The following CNBD1 variants were observed in gnomAD, a reference collection of about 807,000 sequenced individuals.
The protein encoded by CNBD1 is cyclic nucleotide binding domain containing 1.
In CNBD1, 71 loss-of-function variants were observed where a neutral mutation model predicts 54.4. The ratio of observed to expected loss-of-function variants is 1.30; its 90% CI spans 1.08 to 1.59. The LOEUF is 1.59. CNBD1 is among the 40% of genes most tolerant of loss of function. The probability of loss-of-function intolerance (pLI) is 0.00; values close to 1 mark genes in which losing one functional copy is unlikely to be tolerated. For missense variants in CNBD1, 659 were observed against 518.0 expected, an observed-to-expected ratio of 1.27 and a Z score of -2.64; for synonymous variants, 182 against 170.7, an observed-to-expected ratio of 1.07 and a Z score of -0.51.
chr8:87,387,817 C>T (rs1355594925), downstream of CNBD1, among the ~76,000 whole-genome samples: 2 of 152,160 alleles, frequency 1.3e-5, no homozygotes, highest in Admixed American at 6.5e-5. Flanking sequence ...TTTTCAGCAC[C>T]ACACCACACC....
chr8:86,892,369 C>T (rs1430578736), intron 2 of CNBD1, among the ~76,000 whole-genome samples: 1 of 152,024 alleles, frequency 6.6e-6, no homozygotes, highest in South Asian at 2.1e-4. Flanking sequence ...AATTGTCAAG[C>T]ATTCAGAATT....
chr8:87,232,252 T>G (rs1391452753), intron 5 of CNBD1, among the ~76,000 whole-genome samples: 3 of 152,152 alleles, frequency 2.0e-5, no homozygotes, highest in Non-Finnish European at 2.9e-5. Flanking sequence ...TACAAGTCCT[T>G]TTTGGACATC....
chr8:87,042,644 A>G (rs573869778), intron 4 of CNBD1, among the ~76,000 whole-genome samples: 1 of 152,160 alleles, frequency 6.6e-6, no homozygotes, highest in Non-Finnish European at 1.5e-5. Context: ...TAATACTTAA[A>G]AATATTTTAT....
downstream of CNBD1, among the ~76,000 whole-genome samples, chr8:87,387,700 G>T (rs1811219448): frequency 6.6e-6 from 1 of 152,116 alleles, no homozygotes. Context: ...AGATCAATGA[G>T]ACAGAAAGTT....
At chr8:87,185,707 C>T (rs747901686) in intron 4 of CNBD1, among the ~76,000 whole-genome samples, 20 of 152,192 alleles carry the variant, frequency 1.3e-4, no homozygotes, top group South Asian at 8.3e-4. Context: ...CTTCAGTTTC[C>T]GGTCCATGAT....
At chr8:87,106,316 C>A (rs1201792592) in intron 4 of CNBD1, among the ~76,000 whole-genome samples, 1 of 151,972 alleles carries the variant, frequency 6.6e-6, no homozygotes, top group Non-Finnish European at 1.5e-5. Flanking sequence ...TGGGTTCAAG[C>A]AATTCTCATG....
At chr8:87,284,898 T>G in intron 7 of CNBD1, 83 bp downstream of exon 7, 1 of 962,620 alleles carries the variant, frequency 1.0e-6, no homozygotes, top group Non-Finnish European at 1.5e-6. Context: ...CAAAGACAGC[T>G]ATATCTGTTT....
chr8:87,043,427 A>G (rs889582552), intron 4 of CNBD1, among the ~76,000 whole-genome samples: 1 of 152,236 alleles, frequency 6.6e-6, no homozygotes, highest in African/African-American at 2.4e-5. Flanking sequence ...TGCTATGTAT[A>G]TAGAATTCTT....
intron 6 of CNBD1, among the ~76,000 whole-genome samples, chr8:87,262,491 G>T (rs1032153033): frequency 1.3e-5 from 2 of 152,126 alleles, no homozygotes; most frequent in African/African-American, 4.8e-5. Flanking sequence ...CTTCACCAAT[G>T]TGGGCAGCCA....
chr8:86,887,689 T>G (rs571784005), intron 2 of CNBD1, 78 bp downstream of exon 2: 36 of 1,010,632 alleles, frequency 3.6e-5, no homozygotes, highest in Non-Finnish European at 3.4e-5. Context: ...AGTATAGTAA[T>G]AAACCATTGC....
chr8:87,258,174 T>G lies in CNBD1; in HGVS notation c.771+21062T>G, dbSNP rs115223188. ...AGAAAAGACCATTTTGAAGCTTAAA[T>G]TTGATTTTGGGAGGCCTATTAAATA... On this transcript the variant is annotated intron_variant, in intron 6 of 10. Transcript: ENST00000518476. 8.4e-3 allele frequency among the ~76,000 whole-genome samples: 1,286 copies of G among 152,232 alleles called. 19 individuals carry two copies. The highest frequency in any genetic ancestry group is 0.029 in the African/African-American group (1,219 of 41,554).
Position 86,970,577 on chromosome 8 carries a change from C to T in CNBD1, c.431+30823C>T, listed in dbSNP as rs116480600. Among the ~76,000 whole-genome samples the T allele has an allele frequency of 8.9e-3, 1,346 of 150,608 alleles. 18 individuals are homozygous for T. Among genetic ancestry groups the T allele is most frequent in the Middle Eastern group, 0.038 (11 of 292 alleles). On this transcript the variant is annotated intron_variant, in intron 4 of 10. Transcript: ENST00000518476. ...ACCCAGTTTTACTAAGCATAGTAAT[C>T]AATAGGTTTTCAACCCTTCCCCTCT...
chr8:87,064,716 C>G (rs546117652), intron 4 of CNBD1, among the ~76,000 whole-genome samples: 2 of 151,966 alleles, frequency 1.3e-5, no homozygotes, highest in South Asian at 4.1e-4. Context: ...TTTACTTTTA[C>G]TTTTAAAGGA....
chr8:86,924,815 C>T (rs780752155), intron 3 of CNBD1, among the ~76,000 whole-genome samples: 18 of 152,070 alleles, frequency 1.2e-4, no homozygotes, highest in South Asian at 6.2e-4. Context: ...AAATCTGTAT[C>T]GTAATAATCA....
At chr8:86,939,512 A>G (rs1809611538) in intron 3 of CNBD1, 84 bp from the exon 4 acceptor site, 1 of 924,528 alleles carries the variant, frequency 1.1e-6, no homozygotes, top group Non-Finnish European at 1.6e-6. Context: ...CAGTGCATTT[A>G]TACTCCTGCA....
intron 10 of CNBD1, among the ~76,000 whole-genome samples, chr8:87,377,067 CTTTAT>C (rs200095726): frequency 0.048 from 6,334 of 131,366 alleles, 158 homozygotes; most frequent in Non-Finnish European, 0.066. Flanking sequence ...ATTTTTATTT[CTTTAT>C]TTTATTTTAT....
intron 4 of CNBD1, among the ~76,000 whole-genome samples, chr8:86,967,085 A>G (rs910346863): frequency 1.3e-5 from 2 of 152,128 alleles, no homozygotes; most frequent in Non-Finnish European, 2.9e-5. Context: ...TCCCCACCTG[A>G]CCCAGAAGCC....
chr8:86,984,030 G>A (rs983691583), intron 4 of CNBD1, among the ~76,000 whole-genome samples: 3 of 152,136 alleles, frequency 2.0e-5, no homozygotes, highest in Non-Finnish European at 4.4e-5. Flanking sequence ...AGGCTCAGAG[G>A]ACTAGGAGAA....
chr8:87,073,339 C>T (rs2130654656), intron 4 of CNBD1, among the ~76,000 whole-genome samples: 1 of 152,090 alleles, frequency 6.6e-6, no homozygotes, highest in South Asian at 2.1e-4. Flanking sequence ...ACTTCTGTGC[C>T]CTTGCCGGAG....
Sources: allele counts gnomAD v4.1 joint callset (sites outside exome capture counted in the v4.1 genomes callset), GRCh38; gene constraint gnomAD v4.1.1; transcripts MANE v1.5; gene names NCBI Gene and HGNC (gene_info 2026-07-23, HGNC 2026-07-21).